Variants in SCNN1B observed in about 807,000 individuals in gnomAD.
SCNN1B encodes the protein sodium channel epithelial 1 subunit beta, also known as epithelial sodium channel subunit beta.
A neutral mutation model predicts 65.3 loss-of-function variants in SCNN1B; 46 were observed. The observed-to-expected ratio is 0.70, with a 90% CI of 0.56 to 0.90. The LOEUF (loss-of-function observed/expected upper bound fraction) is 0.90, where lower values mean the gene tolerates loss of function less well. Among genes scored for constraint, SCNN1B ranks in the 40% least tolerant of loss-of-function variants. SCNN1B has a pLI of 0.00. For synonymous variants in SCNN1B, 349 were observed against 330.6 expected (o/e 1.06, Z -0.60); for missense variants, 751 against 830.5 (o/e 0.90, Z 1.18).
chr16:23,300,382 T>C (rs557329869), upstream of SCNN1B, among the ~76,000 whole-genome samples: 8 of 152,066 alleles, frequency 5.3e-5, no homozygotes, highest in South Asian at 8.3e-4. Flanking sequence ...CAATGGTGGG[T>C]CAAGTTATAT....
chr16:23,306,885 C>T (rs186269983), intron 1 of SCNN1B, among the ~76,000 whole-genome samples: 8 of 152,216 alleles, frequency 5.3e-5, no homozygotes, highest in South Asian at 2.1e-4. Flanking sequence ...TGTGATGGCG[C>T]GTGAGGCAGG....
chr16:23,304,181 C>A (rs186057642), intron 1 of SCNN1B: 2 of 1,142,078 alleles, frequency 1.8e-6, no homozygotes, highest in Admixed American at 2.0e-5. Context: ...CCTAAACTAA[C>A]TTCACAGGAT....
chr16:23,370,278 G>A (rs1457200019), intron 5 of SCNN1B, among the ~76,000 whole-genome samples: 2 of 152,084 alleles, frequency 1.3e-5, no homozygotes, highest in Non-Finnish European at 2.9e-5. Context: ...GCTAATTTTT[G>A]TATTTTTAGT....
intron 3 of SCNN1B, 35 bp downstream of exon 3, chr16:23,353,109 C>A: frequency 1.2e-6 from 2 of 1,611,426 alleles, no homozygotes; most frequent in Non-Finnish European, 1.7e-6. Flanking sequence ...AAGCAATGGG[C>A]CCCACCCAGT....
chr16:23,354,444 G>A (rs1237813879), intron 3 of SCNN1B, among the ~76,000 whole-genome samples: 1 of 152,248 alleles, frequency 6.6e-6, no homozygotes, highest in Non-Finnish European at 1.5e-5. Context: ...ACCAGCAGCA[G>A]CCTCGTGGCC....
chr16:23,315,337 CA>C (rs879630724), intron 1 of SCNN1B, among the ~76,000 whole-genome samples: 81 of 143,372 alleles, frequency 5.6e-4, no homozygotes, highest in Admixed American at 4.2e-4. Flanking sequence ...AAGTCTGTCT[CA>C]AAAAAAAAAA....
intron 1 of SCNN1B, among the ~76,000 whole-genome samples, chr16:23,341,156 G>A (rs1433681048): frequency 6.6e-6 from 1 of 151,976 alleles, no homozygotes; most frequent in Non-Finnish European, 1.5e-5. Context: ...ATTTATTTAA[G>A]CTTTCTTTTC....
chr16:23,301,359 C>CAA (rs369302758), upstream of SCNN1B, among the ~76,000 whole-genome samples: 2 of 120,410 alleles, frequency 1.7e-5, no homozygotes, highest in African/African-American at 3.7e-5. Flanking sequence ...GAGACTCTGT[C>CAA]AAAAAAAAAA....
chr16:23,297,180 G>A lies in SCNN1B; in HGVS notation n.178+13376G>A, dbSNP rs540040890. Among the ~76,000 whole-genome samples, 16 of 152,262 alleles carry A rather than the reference G, an allele frequency of 1.1e-4. No homozygotes were observed. In the South Asian group the frequency reaches 3.1e-3, roughly 30 times the overall value. On this transcript the variant is annotated intron_variant and non_coding_transcript_variant, in intron 2 of 3. Transcript: ENST00000569789. The stretch of plus-strand genomic sequence containing the variant: ...CTCAGGAGGGTAGCACATGCCTCAA[G>A]CCATGGCTTCCCTTTCAGGACTTAG...
chr16:23,324,484 T>C (rs1961652247), intron 1 of SCNN1B, among the ~76,000 whole-genome samples: 1 of 152,174 alleles, frequency 6.6e-6, no homozygotes, highest in Non-Finnish European at 1.5e-5. Flanking sequence ...ATTACAGGCC[T>C]GAGCCACTGG....
chr16:23,301,084 C>A (rs934575775), upstream of SCNN1B, among the ~76,000 whole-genome samples: 10 of 151,738 alleles, frequency 6.6e-5, no homozygotes, highest in African/African-American at 2.4e-4. Flanking sequence ...AGATTCCTGG[C>A]TGGGCATGGT....
At chr16:23,300,541 A>C (rs1404267701), upstream of SCNN1B, among the ~76,000 whole-genome samples, 1 of 150,896 alleles carries the variant, frequency 6.6e-6, no homozygotes, top group African/African-American at 2.4e-5. Context: ...TTTTTTTTTG[A>C]AAAATATTTT....
chr16:23,370,671 C>T (rs564635973), intron 5 of SCNN1B, among the ~76,000 whole-genome samples: 6 of 152,302 alleles, frequency 3.9e-5, no homozygotes, highest in South Asian at 4.1e-4. Context: ...CCTGACACCT[C>T]GTCTGAGCCA....
Position 23,380,859 on chromosome 16 carries a change from C to T in SCNN1B, c.*58C>T, listed in dbSNP as rs544081144. The T allele has an allele frequency of 1.5e-4, 241 of 1,587,300 alleles. 3 individuals carry two copies. The South Asian group carries it at 2.0e-3, about 13-fold the overall frequency. ...TCACTGAGCAGCCAAGACTGTTGCC[C>T]GAGGCCTCACTGTATGGTGCCCTCT... On this transcript the variant is annotated 3_prime_UTR_variant, in exon 13 of 13. Transcript: ENST00000343070. The surrounding 1 kb of genome is among the most constrained non-coding windows in gnomAD (Gnocchi z 5.4).
intron 4 of SCNN1B, among the ~76,000 whole-genome samples, chr16:23,358,894 G>T (rs761036390): frequency 6.6e-6 from 1 of 152,352 alleles, no homozygotes; most frequent in East Asian, 1.9e-4. Context: ...GCGACAGGGG[G>T]AGACTCTCTT....
chr16:23,324,492 T>A (rs977207253), intron 1 of SCNN1B, among the ~76,000 whole-genome samples: 5 of 152,140 alleles, frequency 3.3e-5, no homozygotes, highest in African/African-American at 1.2e-4. Flanking sequence ...CCTGAGCCAC[T>A]GGCCCCTGGC....
At position 23,380,867 on chromosome 16, in the gene SCNN1B, C is replaced by A; in HGVS notation, c.*66C>A. On this transcript the variant is annotated 3_prime_UTR_variant, in exon 13 of 13. Coordinates refer to ENST00000343070, the MANE Select transcript of SCNN1B (RefSeq NM_000336.3). This position sits in a 1 kb window ranked among gnomAD's most constrained non-coding sequence, Gnocchi z 5.4. ...CAGCCAAGACTGTTGCCCGAGGCCT[C>A]ACTGTATGGTGCCCTCTCCAAAGGG... is the stretch of plus-strand genomic sequence containing the variant. The A allele has an allele frequency of 1.3e-6, 2 of 1,560,514 alleles. No homozygotes were observed. Among genetic ancestry groups the A allele is most frequent in the Admixed American group, 1.7e-5 (1 of 59,980 alleles).
Position 23,343,656 on chromosome 16 carries a change from A to AAAGAAAGG in SCNN1B, c.-8-4933_-8-4932insAAAGGAAG, listed in dbSNP as rs1555487090. ...GAAAGAAAGAAAGAAAGAAAAAAAG[A>AAAGAAAGG]AAGGAAGGAAGGAAGAAAAAAAAAA... On this transcript the variant is annotated intron_variant, in intron 1 of 12. Coordinates refer to ENST00000343070, the MANE Select transcript of SCNN1B (RefSeq NM_000336.3). Among the ~76,000 whole-genome samples, 184 of 115,980 alleles carry AAAGAAAGG rather than the reference A, an allele frequency of 1.6e-3. 2 individuals are homozygous for AAAGAAAGG. The highest frequency in any genetic ancestry group is 4.5e-3 in the Middle Eastern group (1 of 224). The allele number at this position is 115,980 out of a possible 152,430, so 76.1% of individuals were successfully genotyped here. A position where few individuals can be genotyped will look rare whatever the true frequency, so the allele number is the denominator to read the frequency against.
intron 7 of SCNN1B, among the ~76,000 whole-genome samples, chr16:23,372,466 C>T (rs575937633): frequency 2.0e-5 from 3 of 150,186 alleles, no homozygotes; most frequent in Non-Finnish European, 4.4e-5. Flanking sequence ...GACCCCAGTT[C>T]AAATGCATCA....
Sources: allele counts gnomAD v4.1 joint callset (sites outside exome capture counted in the v4.1 genomes callset), GRCh38; gene constraint gnomAD v4.1.1; non-coding constraint Gnocchi (gnomAD v3.1); transcripts MANE v1.5; gene names NCBI Gene and HGNC (gene_info 2026-07-23, HGNC 2026-07-21).